TMC2: variants seen among roughly 807,000 people sequenced by gnomAD.
The protein encoded by TMC2 is transmembrane channel like 2.
Under a neutral mutation model 105.9 loss-of-function variants are expected in TMC2, and 102 were observed. The ratio of observed to expected loss-of-function variants is 0.96; its 90% CI spans 0.82 to 1.14. The LOEUF is 1.14. Among genes scored for constraint, TMC2 ranks in the 50% most tolerant of loss-of-function variants. The probability of loss-of-function intolerance (pLI) is 0.00; values close to 1 mark genes in which losing one functional copy is unlikely to be tolerated. For synonymous variants in TMC2, 402 were observed against 422.8 expected (o/e 0.95, Z 0.60); for missense variants, 1,093 against 1,134.3 (o/e 0.96, Z 0.52).
At chr20:2,540,722 T>A (rs1449830105) in intron 2 of TMC2, among the ~76,000 whole-genome samples, 2 of 151,602 alleles carry the variant, frequency 1.3e-5, no homozygotes, top group African/African-American at 4.9e-5. Context: ...TGGTGCCTCT[T>A]TTTGCCTTTA....
At chr20:2,628,525 G>C (rs143422723) in intron 17 of TMC2, among the ~76,000 whole-genome samples, 2 of 152,070 alleles carry the variant, frequency 1.3e-5, no homozygotes, top group Non-Finnish European at 2.9e-5. Flanking sequence ...TTTCAAGGGC[G>C]GGGCCAAGTG....
chr20:2,628,208 G>A (rs1458500012), intron 17 of TMC2, among the ~76,000 whole-genome samples: 1 of 150,626 alleles, frequency 6.6e-6, no homozygotes, highest in African/African-American at 2.4e-5. Flanking sequence ...GCACACCTAT[G>A]TTGTTAAGTT....
At chr20:2,600,189 T>G (rs2086340430) in intron 10 of TMC2, among the ~76,000 whole-genome samples, 1 of 152,178 alleles carries the variant, frequency 6.6e-6, no homozygotes, top group Admixed American at 6.5e-5. Context: ...AGAAGTAAAA[T>G]GACTTCTTTT....
intron 2 of TMC2, among the ~76,000 whole-genome samples, chr20:2,542,448 G>T (rs557328247): frequency 6.6e-6 from 1 of 152,268 alleles, no homozygotes; most frequent in South Asian, 2.1e-4. Flanking sequence ...TCCAAGTATA[G>T]GAGAGGGAGA....
At chr20:2,583,408 G>A (rs1020405149) in intron 7 of TMC2, among the ~76,000 whole-genome samples, 9 of 151,952 alleles carry the variant, frequency 5.9e-5, no homozygotes, top group African/African-American at 2.2e-4. Flanking sequence ...TTGGACAATG[G>A]CCAGCAAGGA....
At chr20:2,625,831 G>A (rs1000379819) in intron 17 of TMC2, among the ~76,000 whole-genome samples, 2 of 152,188 alleles carry the variant, frequency 1.3e-5, no homozygotes, top group African/African-American at 4.8e-5. Flanking sequence ...CTCCAAAGTG[G>A]TTGTATTCCC....
At chr20:2,604,639 T>G (rs1314979518) in intron 11 of TMC2, among the ~76,000 whole-genome samples, 1 of 152,202 alleles carries the variant, frequency 6.6e-6, no homozygotes, top group Non-Finnish European at 1.5e-5. Context: ...CCTCTGCATC[T>G]GGGCTGGCTG....
Position 2,639,323 on chromosome 20 carries a change from T to G in TMC2, c.2503+1732T>G, listed in dbSNP as rs376228783. ...ACTCACTGACTCACCCAGAGCAACT[T>G]CCAGTCCTGCAAGCTCCACTCATGG... On this transcript the variant is annotated intron_variant, in intron 19 of 19. Transcript: ENST00000358864. 2.0e-5 allele frequency among the ~76,000 whole-genome samples: 3 copies of G among 152,188 alleles called. No individual in the cohort carries two copies. In the East Asian group the frequency reaches 5.8e-4, roughly 29 times the overall value.
chr20:2,611,858 ATGGATGGATGGGTGGGTGGGTGGGTGGG>A (rs796659114), intron 12 of TMC2, among the ~76,000 whole-genome samples: 6 of 109,122 alleles, frequency 5.5e-5, no homozygotes, highest in Non-Finnish European at 1.1e-4. Context: ...GGATGGATGG[ATGGATGGATGGGTGGGTGGGTGGGTGGG>A]TGGATGGATG....
At chr20:2,615,385 A>C (rs2086472819) in intron 14 of TMC2, among the ~76,000 whole-genome samples, 1 of 152,192 alleles carries the variant, frequency 6.6e-6, no homozygotes, top group South Asian at 2.1e-4. Context: ...TCTTCCATCC[A>C]TGCATGCTGG....
intron 17 of TMC2, among the ~76,000 whole-genome samples, chr20:2,626,394 G>A (rs34531607): frequency 0.43 from 65,886 of 151,968 alleles, 15,919 homozygotes; most frequent in East Asian, 0.55. Flanking sequence ...CTTCTCACAA[G>A]CTGCTTGGGC....
intron 5 of TMC2, among the ~76,000 whole-genome samples, chr20:2,574,916 A>AT (rs1206075202): frequency 6.6e-6 from 1 of 151,928 alleles, no homozygotes; most frequent in Non-Finnish European, 1.5e-5. Context: ...AGTAGATGCG[A>AT]TGTTTCACCA....
chr20:2,578,327 C>CAAT (rs1243034998), intron 5 of TMC2, among the ~76,000 whole-genome samples: 2 of 151,974 alleles, frequency 1.3e-5, no homozygotes, highest in South Asian at 2.1e-4. Context: ...CTCAAAATAA[C>CAAT]AATAATAATA....
rs780944993 is a variant in TMC2 at position 2,558,417 on chromosome 20, C to A, written c.83-39C>A. ...CGGGGACATTTTCCTGGGCCTGAGG[C>A]CGTTGGAACCAGAACTGTCCATTTT... On this transcript the variant is annotated intron_variant, in intron 2 of 19. Transcript: ENST00000358864. The surrounding 1 kb of genome is among the most constrained non-coding windows in gnomAD (Gnocchi z 4.6). 5.2e-6 allele frequency: 8 copies of A among 1,549,088 alleles called. No individual in the cohort carries two copies. The East Asian group carries it at 2.0e-4, about 38-fold the overall frequency.
intron 4 of TMC2, among the ~76,000 whole-genome samples, chr20:2,565,627 G>A (rs1024760947): frequency 4.6e-5 from 7 of 152,182 alleles, no homozygotes; most frequent in African/African-American, 1.7e-4. Context: ...AAAGTCTCCA[G>A]TTGCAGACGG....
intron 19 of TMC2, among the ~76,000 whole-genome samples, chr20:2,638,446 T>A (rs1568533866): frequency 6.6e-6 from 1 of 152,184 alleles, no homozygotes; most frequent in African/African-American, 2.4e-5. Flanking sequence ...ATGTGTTTAC[T>A]ATACTATACT....
At chr20:2,610,908 G>A (rs1240010557) in intron 12 of TMC2, among the ~76,000 whole-genome samples, 4 of 152,076 alleles carry the variant, frequency 2.6e-5, no homozygotes, top group East Asian at 3.9e-4. Flanking sequence ...ATGATTAACA[G>A]CCAAGTAATT....
At chr20:2,591,162 A>G (rs1404182155) in intron 7 of TMC2, among the ~76,000 whole-genome samples, 1 of 152,194 alleles carries the variant, frequency 6.6e-6, no homozygotes, top group Non-Finnish European at 1.5e-5. Flanking sequence ...CACGTATAGA[A>G]CTAGAAATAC....
At chr20:2,579,252 T>G in intron 6 of TMC2, 25 bp downstream of exon 6, 1 of 1,416,702 alleles carries the variant, frequency 7.1e-7, no homozygotes, top group Non-Finnish European at 1.0e-6. Flanking sequence ...GTCACTGTTT[T>G]TTTAATTGGT....
Sources: gnomAD v4.1 joint callset for allele counts (sites outside exome capture counted in the v4.1 genomes callset) on GRCh38, gnomAD v4.1.1 for gene constraint, Gnocchi (gnomAD v3.1) non-coding constraint, MANE v1.5 for transcripts, NCBI Gene and HGNC (gene_info 2026-07-23, HGNC 2026-07-21) for gene names.